The following RABGAP1 variants were observed in gnomAD, a reference collection of about 807,000 sequenced individuals.
RABGAP1 encodes RAB GTPase activating protein 1.
Under a neutral mutation model 137.6 loss-of-function variants are expected in RABGAP1, and 23 were observed. That is an observed-to-expected ratio of 0.17 (90% confidence interval 0.12 to 0.24). The LOEUF (loss-of-function observed/expected upper bound fraction) is 0.24, where lower values mean the gene tolerates loss of function less well. Among genes scored for constraint, RABGAP1 ranks in the 10% least tolerant of loss-of-function variants. The pLI is 1.00. For synonymous variants in RABGAP1, 451 were observed against 450.7 expected, an observed-to-expected ratio of 1.00 and a Z score of -0.01; for missense variants, 906 against 1,275.8, an observed-to-expected ratio of 0.71 and a Z score of 4.42.
chr9:123,040,097 A>T (rs1448671169), intron 13 of RABGAP1, among the ~76,000 whole-genome samples: 1 of 152,166 alleles, frequency 6.6e-6, no homozygotes, highest in African/African-American at 2.4e-5. Flanking sequence ...TCAAAGAAGG[A>T]TCATTCCTTT....
Position 123,076,271 on chromosome 9 carries a change from C to T in RABGAP1, c.2280C>T (p.Ala760=). The change falls in exon 18 of 26, where the codon GCC becomes GCT. Residue 760 remains alanine, a synonymous_variant. Coordinates refer to ENST00000373647, the MANE Select transcript of RABGAP1 (RefSeq NM_012197.4). ...GAATAAGTGTTATTTTTAATGTCGC[C>T]CTTGGATTATTAAAGGTACTCATTT... The part of the protein sequence containing the change: ...CEGISVIFNV[A]LGLLKTSKDD... The T allele has an allele frequency of 6.2e-7, 1 of 1,609,578 alleles. No homozygotes were observed.
At chr9:122,934,624 C>G in the RABGAP1 span, among the ~76,000 whole-genome samples, 6 of 151,950 alleles carry the variant, frequency 3.9e-5, no homozygotes, top group Admixed American at 2.0e-4. Flanking sequence ...GCCTCAGCCT[C>G]TCAAAGTAGC....
chr9:123,045,977 T>G (rs1395719671), intron 13 of RABGAP1, among the ~76,000 whole-genome samples: 1 of 152,206 alleles, frequency 6.6e-6, no homozygotes, highest in East Asian at 1.9e-4. Flanking sequence ...GACTTCCAGG[T>G]CCTGCAAATT....
chr9:123,020,650 A>G (rs1277951987), intron 13 of RABGAP1, among the ~76,000 whole-genome samples, 191 bp downstream of exon 13: 2 of 152,210 alleles, frequency 1.3e-5, no homozygotes, highest in African/African-American at 2.4e-5. Flanking sequence ...CTTGATTCAT[A>G]TCACCTCAGA....
At chr9:123,097,366 T>C (rs949971406) in intron 21 of RABGAP1, among the ~76,000 whole-genome samples, 1 of 152,162 alleles carries the variant, frequency 6.6e-6, no homozygotes, top group Non-Finnish European at 1.5e-5. Context: ...TGGCTACCTT[T>C]TATTGGTGTT....
intron 11 of RABGAP1, among the ~76,000 whole-genome samples, chr9:123,013,498 T>A (rs1054671402): frequency 1.3e-5 from 2 of 152,082 alleles, no homozygotes; most frequent in Non-Finnish European, 2.9e-5. Flanking sequence ...ACCTAGCTAA[T>A]TTTTGTATGT....
intron 10 of RABGAP1, among the ~76,000 whole-genome samples, chr9:123,004,303 G>GT (rs1554715818): frequency 2.8e-4 from 42 of 149,506 alleles, no homozygotes; most frequent in East Asian, 3.9e-4. Context: ...CGTCTTTTTT[G>GT]TTTTTTTTTT....
intron 9 of RABGAP1, among the ~76,000 whole-genome samples, chr9:122,997,727 T>C (rs189189255): frequency 6.6e-6 from 1 of 152,312 alleles, no homozygotes; most frequent in Non-Finnish European, 1.5e-5. Flanking sequence ...CAGGGCTCTG[T>C]CCCAAAGGAA....
intron 2 of RABGAP1, among the ~76,000 whole-genome samples, chr9:122,959,804 T>TC (rs1834754828): frequency 6.6e-6 from 1 of 152,208 alleles, no homozygotes; most frequent in Non-Finnish European, 1.5e-5. Context: ...CATGCCTGTT[T>TC]CTGGCCAAGT....
At chr9:123,084,824 G>A (rs1446793512) in intron 19 of RABGAP1, among the ~76,000 whole-genome samples, 1 of 152,172 alleles carries the variant, frequency 6.6e-6, no homozygotes, top group African/African-American at 2.4e-5. Flanking sequence ...GACTGTTAAC[G>A]ATTTTTACAG....
chr9:123,041,145 A>G (rs1051447948), intron 13 of RABGAP1, among the ~76,000 whole-genome samples: 15 of 152,148 alleles, frequency 9.9e-5, no homozygotes, highest in Admixed American at 8.5e-4. Flanking sequence ...TTTCAGGAGA[A>G]TTTTATAAAC....
chr9:123,087,859 T>C (rs935158000), intron 19 of RABGAP1, among the ~76,000 whole-genome samples: 3 of 152,104 alleles, frequency 2.0e-5, no homozygotes, highest in Non-Finnish European at 2.9e-5. Flanking sequence ...ACGCAGCAAA[T>C]GTGGGCCTAT....
At chr9:123,008,544 C>CAAAAAA (rs34127466) in intron 10 of RABGAP1, among the ~76,000 whole-genome samples, 3 of 53,130 alleles carry the variant, frequency 5.6e-5, no homozygotes, top group African/African-American at 7.0e-5. Context: ...GACTCCATCT[C>CAAAAAA]AAAAAAAAAA....
chr9:123,013,853 G>C (rs1177287492), intron 11 of RABGAP1, among the ~76,000 whole-genome samples: 2 of 152,032 alleles, frequency 1.3e-5, no homozygotes, highest in African/African-American at 4.8e-5. Context: ...AGTCATTAGA[G>C]GTGTAAAGAT....
intron 13 of RABGAP1, among the ~76,000 whole-genome samples, chr9:123,045,585 CTT>C (rs1427273019): frequency 6.6e-6 from 1 of 152,110 alleles, no homozygotes; most frequent in Non-Finnish European, 1.5e-5. Context: ...ATTAGGTAAT[CTT>C]AATCTGTCTG....
chr9:123,071,927 G>A (rs971648091), intron 15 of RABGAP1, among the ~76,000 whole-genome samples: 6 of 152,170 alleles, frequency 3.9e-5, no homozygotes, highest in African/African-American at 1.4e-4. Context: ...TGAGTGACTG[G>A]GAGTTGAGGA....
intron 18 of RABGAP1, 26 bp from the exon 19 acceptor site, chr9:123,076,608 C>A: frequency 6.4e-7 from 1 of 1,574,682 alleles, no homozygotes; most frequent in Admixed American, 2.0e-5. Flanking sequence ...CACATTTTTT[C>A]TATATGTGTT....
At chr9:123,000,096 C>G (rs1442859287) in intron 10 of RABGAP1, among the ~76,000 whole-genome samples, 1 of 152,036 alleles carries the variant, frequency 6.6e-6, no homozygotes, top group Non-Finnish European at 1.5e-5. Flanking sequence ...AGCATAATTA[C>G]AGTACAGCCA....
chr9:123,018,137 G>A (rs1226286768), intron 12 of RABGAP1, among the ~76,000 whole-genome samples: 1 of 152,152 alleles, frequency 6.6e-6, no homozygotes, highest in Non-Finnish European at 1.5e-5. Context: ...TGGGACTACA[G>A]GTGCCCGCCA....
Sources: allele counts gnomAD v4.1 joint callset (sites outside exome capture counted in the v4.1 genomes callset), GRCh38; gene constraint gnomAD v4.1.1; transcripts MANE v1.5; gene names NCBI Gene and HGNC (gene_info 2026-07-23, HGNC 2026-07-21).